The following KIRREL3 variants were observed in gnomAD, a reference collection of about 807,000 sequenced individuals.
KIRREL3 encodes the protein kirre like nephrin family adhesion molecule 3.
A neutral mutation model predicts 89.7 loss-of-function variants in KIRREL3; 36 were observed. The observed-to-expected ratio is 0.40, with a 90% confidence interval of 0.31 to 0.53. KIRREL3 has a LOEUF of 0.53. Ranked by LOEUF, KIRREL3 falls within the 20% of genes least tolerant of loss-of-function variation. The probability of loss-of-function intolerance (pLI) is 0.49; values close to 1 mark genes in which losing one functional copy is unlikely to be tolerated. For missense variants in KIRREL3, 864 were observed against 1,056.6 expected (o/e 0.82, Z 2.53); for synonymous variants, 445 against 441.4 (o/e 1.01, Z -0.10).
chr11:126,570,084 T>C lies in KIRREL3; in HGVS notation c.56-7172A>G, dbSNP rs1940810966. ...GAAGAGTGGAGTAGCAAAGGTATAT[T>C]AATCCTGACTAGTGCCTGGCCCTGG... On this transcript the variant is annotated intron_variant, in intron 1 of 16. Coordinates refer to ENST00000525144, the MANE Select transcript of KIRREL3 (RefSeq NM_032531.4). The surrounding 1 kb of genome is among the most constrained non-coding windows in gnomAD (Gnocchi z 6.1). 6.6e-6 allele frequency among the ~76,000 whole-genome samples: 1 copy of C among 152,164 alleles called. No individual in the cohort carries two copies. The highest frequency in any genetic ancestry group is 1.5e-5 in the Non-Finnish European group (1 of 68,036).
chr11:126,998,727 T>G (rs1950239127), intron 1 of KIRREL3, among the ~76,000 whole-genome samples: 1 of 152,220 alleles, frequency 6.6e-6, no homozygotes, highest in African/African-American at 2.4e-5. Flanking sequence ...TATAGCCTTC[T>G]TATGCCAATC....
At chr11:126,625,959 T>C (rs1350215401) in intron 1 of KIRREL3, among the ~76,000 whole-genome samples, 1 of 152,256 alleles carries the variant, frequency 6.6e-6, no homozygotes, top group East Asian at 1.9e-4. Context: ...CATTGGAATT[T>C]GGATTTCTGC....
At chr11:126,929,605 G>A (rs1049377323) in intron 1 of KIRREL3, among the ~76,000 whole-genome samples, 1 of 152,136 alleles carries the variant, frequency 6.6e-6, no homozygotes, top group Non-Finnish European at 1.5e-5. Flanking sequence ...AGCCAGAGAG[G>A]CCCCTGACCC....
intron 1 of KIRREL3, among the ~76,000 whole-genome samples, chr11:126,741,543 A>G (rs1385294428): frequency 3.3e-5 from 5 of 152,208 alleles, no homozygotes; most frequent in Non-Finnish European, 5.9e-5. Flanking sequence ...TTGATCTTCA[A>G]AGAAAACACC....
At chr11:126,660,541 T>C (rs1399464816) in intron 1 of KIRREL3, among the ~76,000 whole-genome samples, 1 of 152,188 alleles carries the variant, frequency 6.6e-6, no homozygotes, top group African/African-American at 2.4e-5. Context: ...TCTTGGACCA[T>C]TTCCAGGAAG....
rs1955924884 is a variant in KIRREL3, at chr11:126,448,909, CTTGTG to C, written c.997+95_997+99del. ...CATCCTACGCTCATGACGCATGAAG[CTTGTG>C]TTGTGTGCAATGAATCTAGCCCTGG... On this transcript the variant is annotated intron_variant, in intron 8 of 16. Transcript: ENST00000525144. The C allele has an allele frequency of 7.9e-6, 10 of 1,270,220 alleles. 1 individual carries two copies. The highest frequency in any genetic ancestry group is 6.7e-5 in the South Asian group (4 of 59,458). 78.7% of individuals were successfully genotyped at this position (1,270,220 alleles called of 1,614,324 possible).
chr11:126,442,015 A>G (rs1255365533), intron 10 of KIRREL3, among the ~76,000 whole-genome samples: 1 of 152,176 alleles, frequency 6.6e-6, no homozygotes, highest in African/African-American at 2.4e-5. Context: ...GCTCACACCT[A>G]GAAACCTAGC....
In KIRREL3 at chr11:126,571,182, G is replaced by T. The variant is rs747961640; in HGVS notation, c.56-8270C>A. On this transcript the variant is annotated intron_variant, in intron 1 of 16. Transcript: ENST00000525144. The surrounding 1 kb of genome is among the most constrained non-coding windows in gnomAD (Gnocchi z 7.7). Reference sequence around the variant, plus strand: ...TCTCAGCCCTTTGGGCTGGCTTTTTGATACCTTGCCTAGCTCTTATCATCT... The same window carrying T: ...TCTCAGCCCTTTGGGCTGGCTTTTTTATACCTTGCCTAGCTCTTATCATCT... 2.0e-5 allele frequency among the ~76,000 whole-genome samples: 3 copies of T among 152,126 alleles called. No individual in the cohort carries two copies. Among genetic ancestry groups the T allele is most frequent in the African/African-American group, 7.2e-5 (3 of 41,410 alleles).
chr11:126,837,868 C>T lies in KIRREL3; in HGVS notation c.55+162587G>A, dbSNP rs1260697796. Among the ~76,000 whole-genome samples, 2 of 152,196 alleles carry T rather than the reference C, an allele frequency of 1.3e-5. No individual in the cohort carries two copies. The highest frequency in any genetic ancestry group is 2.1e-4 in the South Asian group (1 of 4,828). On this transcript the variant is annotated intron_variant, in intron 1 of 16. Coordinates refer to ENST00000525144, the MANE Select transcript of KIRREL3 (RefSeq NM_032531.4). The surrounding 1 kb of genome is among the most constrained non-coding windows in gnomAD (Gnocchi z 4.7). ...ATGTCCAGGCATACATCCTATCTCT[C>T]TACACTCCTAAAGCCCCAAAGAACT...
At chr11:126,842,270 C>A (rs1257426364) in intron 1 of KIRREL3, among the ~76,000 whole-genome samples, 2 of 152,146 alleles carry the variant, frequency 1.3e-5, no homozygotes, top group Admixed American at 1.3e-4. Context: ...CACATGGATG[C>A]CCCTGCTCAA....
chr11:126,933,705 G>A (rs2135068171), intron 1 of KIRREL3, among the ~76,000 whole-genome samples: 2 of 150,036 alleles, frequency 1.3e-5, no homozygotes, highest in African/African-American at 4.9e-5. Context: ...AGCATAAATA[G>A]CATTAAAATA....
chr11:126,641,206 A>G lies in KIRREL3; in HGVS notation c.56-78294T>C, dbSNP rs1944455945. On this transcript the variant is annotated intron_variant, in intron 1 of 16. Coordinates refer to ENST00000525144, the MANE Select transcript of KIRREL3 (RefSeq NM_032531.4). This position sits in a 1 kb window ranked among gnomAD's most constrained non-coding sequence, Gnocchi z 5.0. Reference sequence around the variant, plus strand: ...TCTCTTCCTTTCACACCCACATCCAATCTGTCAATGTAGCCTGTTGTCTCA... The same window carrying G: ...TCTCTTCCTTTCACACCCACATCCAGTCTGTCAATGTAGCCTGTTGTCTCA... Among the ~76,000 whole-genome samples, 1 of 152,032 alleles carries G rather than the reference A, an allele frequency of 6.6e-6. No individual in the cohort carries two copies. Among genetic ancestry groups the G allele is most frequent in the South Asian group, 2.1e-4 (1 of 4,806 alleles).
rs150647945 is a variant in KIRREL3, at chr11:126,634,988, A to T, written c.56-72076T>A. On this transcript the variant is annotated intron_variant, in intron 1 of 16. Coordinates refer to ENST00000525144, the MANE Select transcript of KIRREL3 (RefSeq NM_032531.4). The stretch of plus-strand genomic sequence containing the variant: ...CACAGCTCTGGTCTACAGTTGCTCC[A>T]CTCAGCAAGTGGGGACAGTTCCAGC... 5.5e-4 allele frequency among the ~76,000 whole-genome samples: 83 copies of T among 152,224 alleles called. 2 individuals carry two copies. Among genetic ancestry groups the T allele is most frequent in the African/African-American group, 2.0e-3 (83 of 41,546 alleles).
In KIRREL3 at chr11:126,607,480, C is replaced by T. The variant is rs1187838814; in HGVS notation, c.56-44568G>A. 2.0e-5 allele frequency among the ~76,000 whole-genome samples: 3 copies of T among 152,162 alleles called. No homozygotes were observed. Among genetic ancestry groups the T allele is most frequent in the African/African-American group, 7.2e-5 (3 of 41,440 alleles). On this transcript the variant is annotated intron_variant, in intron 1 of 16. Coordinates refer to ENST00000525144, the MANE Select transcript of KIRREL3 (RefSeq NM_032531.4). This position sits in a 1 kb window ranked among gnomAD's most constrained non-coding sequence, Gnocchi z 6.6. ...GACCACCTCCTTCCACTGGAGGGAG[C>T]AGCCTCTCCGCAGGTGGGGCTGTCC...
At position 126,958,828 on chromosome 11, in the gene KIRREL3, G is replaced by A. The variant is rs115369321; in HGVS notation, c.55+41627C>T. 5.4e-3 allele frequency among the ~76,000 whole-genome samples: 822 copies of A among 152,136 alleles called. 8 individuals carry two copies. Among genetic ancestry groups the A allele is most frequent in the African/African-American group, 0.019 (791 of 41,492 alleles). On this transcript the variant is annotated intron_variant, in intron 1 of 16. Transcript: ENST00000525144. ...TTTGTCCCTTCTTCCTCCTCTAAGT[G>A]CCCCTTGTGATGGTTAATTTTATGT...
At chr11:126,963,735 C>T (rs1029905111) in intron 1 of KIRREL3, among the ~76,000 whole-genome samples, 1 of 152,166 alleles carries the variant, frequency 6.6e-6, no homozygotes, top group Non-Finnish European at 1.5e-5. Flanking sequence ...GTGTTTCTTA[C>T]GTCTTCAGCC....
At position 126,997,953 on chromosome 11, in the gene KIRREL3, A is replaced by C. The variant is rs1212231147; in HGVS notation, c.55+2502T>G. ...CATTTCCTGGGAGAGGCATCCCAGC[A>C]TGCAGGAGGCAGGGGTCAAGCAGGT... On this transcript the variant is annotated intron_variant, in intron 1 of 16. Coordinates refer to ENST00000525144, the MANE Select transcript of KIRREL3 (RefSeq NM_032531.4). The surrounding 1 kb of genome is among the most constrained non-coding windows in gnomAD (Gnocchi z 4.3). Among the ~76,000 whole-genome samples the C allele has an allele frequency of 6.6e-6, 1 of 151,972 alleles. No homozygotes were observed. The highest frequency in any genetic ancestry group is 6.6e-5 in the Admixed American group (1 of 15,250).
At chr11:126,790,958 TTAAAAAATATGAA>T (rs1950621709) in intron 1 of KIRREL3, among the ~76,000 whole-genome samples, 1 of 152,138 alleles carries the variant, frequency 6.6e-6, no homozygotes, top group African/African-American at 2.4e-5. Flanking sequence ...CTGTGTTCTT[TTAAAAAATATGAA>T]TAAAATAATA....
intron 1 of KIRREL3, among the ~76,000 whole-genome samples, chr11:126,589,047 G>A (rs531233): frequency 0.57 from 87,141 of 151,974 alleles, 26,078 homozygotes; most frequent in East Asian, 0.77. Flanking sequence ...CAGGGCACCC[G>A]CACACTAGCT....
Sources: allele counts gnomAD v4.1 joint callset (sites outside exome capture counted in the v4.1 genomes callset), GRCh38; gene constraint gnomAD v4.1.1; non-coding constraint Gnocchi (gnomAD v3.1); transcripts MANE v1.5; gene names NCBI Gene and HGNC (gene_info 2026-07-23, HGNC 2026-07-21).